Variants in FBXL17 observed in about 807,000 individuals in gnomAD.
FBXL17 encodes the protein F-box/LRR-repeat protein 17.
Under a neutral mutation model 66.2 loss-of-function variants are expected in FBXL17, and 22 were observed. That is an observed-to-expected ratio of 0.33 (90% CI 0.24 to 0.47). The LOEUF is 0.47. Ranked by LOEUF, FBXL17 falls within the 20% of genes least tolerant of loss-of-function variation. The pLI, the probability that FBXL17 is intolerant of heterozygous loss-of-function variation, is 1.00. For missense variants in FBXL17, 878 were observed against 948.2 expected, an observed-to-expected ratio of 0.93 and a Z score of 0.97; for synonymous variants, 474 against 400.5, an observed-to-expected ratio of 1.18 and a Z score of -2.19.
At chr5:107,881,547 T>C (rs1195019650) in intron 7 of FBXL17, among the ~76,000 whole-genome samples, 3 of 152,210 alleles carry the variant, frequency 2.0e-5, no homozygotes, top group Non-Finnish European at 4.4e-5. Flanking sequence ...AAGATAACTT[T>C]AATTTTTTTT....
intron 7 of FBXL17, among the ~76,000 whole-genome samples, chr5:107,905,152 TAGTCTA>T (rs1749713688): frequency 6.6e-6 from 1 of 152,156 alleles, no homozygotes; most frequent in Non-Finnish European, 1.5e-5. Flanking sequence ...TATTGCTCTA[TAGTCTA>T]AGAGATGAGA....
intron 4 of FBXL17, among the ~76,000 whole-genome samples, chr5:108,310,131 T>C (rs1230483931): frequency 3.3e-5 from 5 of 152,172 alleles, no homozygotes; most frequent in Non-Finnish European, 5.9e-5. Flanking sequence ...CAGGTCTTCC[T>C]AAGCATCACC....
At chr5:108,197,153 T>C (rs1753712856) in intron 5 of FBXL17, among the ~76,000 whole-genome samples, 2 of 152,178 alleles carry the variant, frequency 1.3e-5, no homozygotes, top group African/African-American at 4.8e-5. Flanking sequence ...CTAGAGCTCA[T>C]AACAAACTAC....
intron 8 of FBXL17, chr5:107,878,141 T>C (rs1240460411): frequency 9.2e-6 from 6 of 650,424 alleles, no homozygotes; most frequent in Non-Finnish European, 9.5e-6. Context: ...GTGTAGAAAG[T>C]GTAATTACTG....
At chr5:107,940,695 T>C (rs1352874366) in intron 7 of FBXL17, among the ~76,000 whole-genome samples, 1 of 152,176 alleles carries the variant, frequency 6.6e-6, no homozygotes, top group East Asian at 1.9e-4. Context: ...GGACCTTAAA[T>C]GCCTTGCTCC....
intron 6 of FBXL17, among the ~76,000 whole-genome samples, chr5:108,157,256 G>C (rs1045106905): frequency 6.7e-6 from 1 of 150,144 alleles, no homozygotes; most frequent in Non-Finnish European, 1.5e-5. Context: ...ATAAATAAAT[G>C]AAAGGGGAAA....
rs1748060321 is a variant in FBXL17 at position 107,859,400 on chromosome 5, T to C, written c.*2320A>G. ...TGCTTTTTTCTGGCTGTTTTTTTTT[T>C]TTTTTTTTTTTTTTTTTGAGATTAA... On this transcript the variant is annotated 3_prime_UTR_variant, in exon 9 of 9. Coordinates refer to ENST00000542267, the MANE Select transcript of FBXL17 (RefSeq NM_001163315.3). 7.0e-6 allele frequency: 1 copy of C among 143,308 alleles called. No homozygotes were observed. Among genetic ancestry groups the C allele is most frequent in the Admixed American group, 7.0e-5 (1 of 14,330 alleles). 8.9% of individuals were successfully genotyped at this position (143,308 alleles called of 1,614,324 possible). A position where few individuals can be genotyped will look rare whatever the true frequency, so the allele number is the denominator to read the frequency against.
intron 6 of FBXL17, among the ~76,000 whole-genome samples, chr5:108,054,649 G>C (rs1747615669): frequency 6.6e-6 from 1 of 152,162 alleles, no homozygotes; most frequent in African/African-American, 2.4e-5. Flanking sequence ...GTGCTTGCCT[G>C]GAATAGAGTG....
chr5:108,045,375 G>C (rs911568792), intron 6 of FBXL17, among the ~76,000 whole-genome samples: 1 of 152,136 alleles, frequency 6.6e-6, no homozygotes, highest in African/African-American at 2.4e-5. Flanking sequence ...CCAGGAGGCA[G>C]AGGTTTCAGT....
At chr5:107,935,473 C>A (rs1454758929) in intron 7 of FBXL17, among the ~76,000 whole-genome samples, 3 of 151,078 alleles carry the variant, frequency 2.0e-5, no homozygotes, top group Non-Finnish European at 4.4e-5. Context: ...TTGTGTTTAA[C>A]GTCTTTTAAA....
chr5:108,189,406 T>G (rs1753376177), intron 5 of FBXL17, among the ~76,000 whole-genome samples: 1 of 151,918 alleles, frequency 6.6e-6, no homozygotes. Context: ...ACTCAGTGTT[T>G]TTTTGTTGTT....
chr5:108,229,336 C>T (rs947955215), intron 4 of FBXL17, among the ~76,000 whole-genome samples: 3 of 152,232 alleles, frequency 2.0e-5, no homozygotes, highest in African/African-American at 7.2e-5. Context: ...GCCACAGTCA[C>T]CAAAACAGCA....
intron 4 of FBXL17, among the ~76,000 whole-genome samples, chr5:108,255,735 A>C (rs1012440621): frequency 3.3e-5 from 5 of 152,148 alleles, no homozygotes; most frequent in Non-Finnish European, 7.4e-5. Flanking sequence ...ATAGCCTTTC[A>C]GTAGTTTCAC....
chr5:108,208,532 T>C (rs559454131), intron 5 of FBXL17, among the ~76,000 whole-genome samples: 9 of 152,076 alleles, frequency 5.9e-5, no homozygotes, highest in Admixed American at 5.9e-4. Flanking sequence ...CTGCATATGT[T>C]GTGCAGTTCT....
intron 6 of FBXL17, among the ~76,000 whole-genome samples, chr5:108,096,821 A>G (rs1299672401): frequency 6.6e-6 from 1 of 152,204 alleles, no homozygotes; most frequent in Non-Finnish European, 1.5e-5. Context: ...AATGGATGAA[A>G]GGCAAGAGAA....
At chr5:107,908,395 A>G (rs960271884) in intron 7 of FBXL17, among the ~76,000 whole-genome samples, 2 of 152,206 alleles carry the variant, frequency 1.3e-5, no homozygotes, top group Non-Finnish European at 2.9e-5. Context: ...TTCAGGCACA[A>G]TCCTTAGGCC....
intron 7 of FBXL17, among the ~76,000 whole-genome samples, chr5:107,941,498 G>A (rs1478974605): frequency 6.6e-6 from 1 of 152,154 alleles, no homozygotes; most frequent in Admixed American, 6.5e-5. Flanking sequence ...TTCCTCGGAT[G>A]TGAAGCCACT....
chr5:108,275,049 A>G (rs1237592181), intron 4 of FBXL17, among the ~76,000 whole-genome samples: 1 of 152,248 alleles, frequency 6.6e-6, no homozygotes, highest in African/African-American at 2.4e-5. Context: ...AGAGTTCCTT[A>G]CCAGAATGAA....
chr5:108,143,105 A>G (rs931737395), intron 6 of FBXL17, among the ~76,000 whole-genome samples: 9 of 152,032 alleles, frequency 5.9e-5, no homozygotes, highest in Non-Finnish European at 8.8e-5. Flanking sequence ...TCTAAGGTGA[A>G]ACGGTTCCAT....
Sources: allele counts gnomAD v4.1 joint callset (sites outside exome capture counted in the v4.1 genomes callset), GRCh38; gene constraint gnomAD v4.1.1; transcripts MANE v1.5; gene names NCBI Gene and HGNC (gene_info 2026-07-23, HGNC 2026-07-21).